Variants in ARK2N observed in about 807,000 individuals in gnomAD.
The protein encoded by ARK2N is protein ARK2N.
At chr18:46,194,438 A>G in the ARK2N span, among the ~76,000 whole-genome samples, 2 of 151,782 alleles carry the variant, frequency 1.3e-5, no homozygotes, top group East Asian at 2.0e-4. Context: ...ATCTCTACTA[A>G]AAGGAGCTAT....
At chr18:46,202,408 T>C in the ARK2N span, among the ~76,000 whole-genome samples, 2 of 152,216 alleles carry the variant, frequency 1.3e-5, no homozygotes, top group Non-Finnish European at 2.9e-5. Context: ...TTGTGTGTAG[T>C]TAGCATGAGC....
the ARK2N span, among the ~76,000 whole-genome samples, chr18:46,212,508 T>G: frequency 3.3e-5 from 5 of 152,212 alleles, no homozygotes; most frequent in Admixed American, 3.3e-4. Context: ...TACCTCTCTA[T>G]ATAAAGTGCT....
the ARK2N span, among the ~76,000 whole-genome samples, chr18:46,225,279 T>C: frequency 2.0e-5 from 3 of 152,244 alleles, no homozygotes; most frequent in African/African-American, 4.8e-5. Context: ...TGTCCAAATA[T>C]TGACAGTATG....
At chr18:46,178,394 T>C in the ARK2N span, among the ~76,000 whole-genome samples, 5 of 152,106 alleles carry the variant, frequency 3.3e-5, no homozygotes, top group Non-Finnish European at 7.4e-5. Flanking sequence ...CTCACTGCAA[T>C]CTCCACCTTC....
chr18:46,252,787 T>C, the ARK2N span, among the ~76,000 whole-genome samples: 2 of 152,240 alleles, frequency 1.3e-5, no homozygotes, highest in Non-Finnish European at 2.9e-5. Flanking sequence ...AGCTGGTACA[T>C]AGGCCGAATT....
the ARK2N span, among the ~76,000 whole-genome samples, chr18:46,177,148 G>C: frequency 6.6e-6 from 1 of 152,120 alleles, no homozygotes; most frequent in South Asian, 2.1e-4. Context: ...AGTTTCTTGG[G>C]TTACTGTAAT....
chr18:46,250,600 C>G, the ARK2N span, among the ~76,000 whole-genome samples: 1 of 151,566 alleles, frequency 6.6e-6, no homozygotes. Context: ...GGTTTTGTTG[C>G]CTCCAGTATT....
chr18:46,236,835 T>G, the ARK2N span, among the ~76,000 whole-genome samples: 16 of 68,166 alleles, frequency 2.3e-4, no homozygotes, highest in East Asian at 5.6e-4. Flanking sequence ...CTTCTGTTTT[T>G]TTTTTGTTGT....
chr18:46,257,989 C>T, the ARK2N span, among the ~76,000 whole-genome samples: 6 of 151,486 alleles, frequency 4.0e-5, no homozygotes, highest in African/African-American at 1.2e-4. Flanking sequence ...TGCAGTGACA[C>T]GATTTCGGCT....
the ARK2N span, among the ~76,000 whole-genome samples, chr18:46,227,247 G>A: frequency 3.3e-5 from 5 of 152,182 alleles, no homozygotes; most frequent in East Asian, 3.9e-4. Context: ...AAGTATAGGC[G>A]GTATATTTAG....
At chr18:46,220,911 G>A in the ARK2N span, among the ~76,000 whole-genome samples, 1,738 of 152,260 alleles carry the variant, frequency 0.011, 60 homozygotes, top group East Asian at 0.12. Flanking sequence ...CAAGTCAGGT[G>A]GTTCATTTGA....
the ARK2N span, among the ~76,000 whole-genome samples, chr18:46,236,850 G>A: frequency 6.7e-6 from 1 of 149,258 alleles, no homozygotes; most frequent in Non-Finnish European, 1.5e-5. Context: ...TGTTGTTGTT[G>A]TTGTTGTTTG....
chr18:46,177,431 C>CT, the ARK2N span, among the ~76,000 whole-genome samples: 6,379 of 89,316 alleles, frequency 0.071, 279 homozygotes, highest in East Asian at 0.11. Flanking sequence ...TTTTTCTTTA[C>CT]TTTTTTTTTT....
the ARK2N span, among the ~76,000 whole-genome samples, chr18:46,236,850 G>T: frequency 6.0e-5 from 9 of 149,258 alleles, no homozygotes; most frequent in African/African-American, 2.2e-4. Context: ...TGTTGTTGTT[G>T]TTGTTGTTTG....
the ARK2N span, among the ~76,000 whole-genome samples, chr18:46,186,597 C>T: frequency 2.0e-5 from 3 of 149,114 alleles, no homozygotes; most frequent in Non-Finnish European, 3.0e-5. Context: ...CTCCACCTTC[C>T]GGGTTCACAC....
the ARK2N span, among the ~76,000 whole-genome samples, chr18:46,260,788 T>TTTG: frequency 6.6e-6 from 1 of 152,246 alleles, no homozygotes; most frequent in Non-Finnish European, 1.5e-5. Flanking sequence ...GAAGGCATTG[T>TTTG]TATTCAGTGG....
the ARK2N span, among the ~76,000 whole-genome samples, chr18:46,199,482 ATTTTTTTTTTTT>A: frequency 1.2e-5 from 1 of 82,410 alleles, no homozygotes; most frequent in Non-Finnish European, 2.4e-5. Flanking sequence ...CACCCAGCTC[ATTTTTTTTTTTT>A]TTTTTTTTTT....
chr18:46,198,788 G>A, the ARK2N span, among the ~76,000 whole-genome samples: 3 of 152,066 alleles, frequency 2.0e-5, no homozygotes, highest in East Asian at 1.9e-4. Context: ...AAGTAGAGAT[G>A]GGGTTTCACT....
the ARK2N span, among the ~76,000 whole-genome samples, chr18:46,188,020 G>A: frequency 6.6e-6 from 1 of 152,004 alleles, no homozygotes; most frequent in Non-Finnish European, 1.5e-5. Flanking sequence ...TTAAGCATTT[G>A]GCATACATTG....
Sources: gnomAD v4.1 joint callset for allele counts (sites outside exome capture counted in the v4.1 genomes callset) on GRCh38, gnomAD v4.1.1 for gene constraint, MANE v1.5 for transcripts, NCBI Gene and HGNC (gene_info 2026-07-23, HGNC 2026-07-21) for gene names.